Variants in FHIP1A observed in about 807,000 individuals in gnomAD.
FHIP1A encodes FHF complex subunit HOOK interacting protein 1A, also known as FHF complex subunit HOOK-interacting protein 1A.
Under a neutral mutation model 88.6 loss-of-function variants are expected in FHIP1A, and 61 were observed. The ratio of observed to expected loss-of-function variants is 0.69; its 90% confidence interval spans 0.56 to 0.85. The LOEUF is 0.85. Ranked by LOEUF, FHIP1A falls within the 40% of genes least tolerant of loss-of-function variation. The probability of loss-of-function intolerance (pLI) is 0.00; values close to 1 mark genes in which losing one functional copy is unlikely to be tolerated. For synonymous variants in FHIP1A, 478 were observed against 496.0 expected, an observed-to-expected ratio of 0.96 and a Z score of 0.48; for missense variants, 1,154 against 1,273.5, an observed-to-expected ratio of 0.91 and a Z score of 1.43.
Position 151,530,935 on chromosome 4 carries a change from A to G in FHIP1A, c.-122-35203A>G, listed in dbSNP as rs373616798. On this transcript the variant is annotated intron_variant, in intron 3 of 13. Coordinates refer to ENST00000435205, the MANE Select transcript of FHIP1A (RefSeq NM_001109977.3). ...TATAATAATAATCAGGATAATTGCCACATTTCTTTCTAGGGCTGTCAATGC... is the reference window on the plus strand; with the variant it reads ...TATAATAATAATCAGGATAATTGCCGCATTTCTTTCTAGGGCTGTCAATGC... Among the ~76,000 whole-genome samples, 871 of 81,764 alleles carry G rather than the reference A, an allele frequency of 0.011. 60 individuals carry two copies. The South Asian group carries it at 0.22, about 21-fold the overall frequency. 53.6% of individuals were successfully genotyped at this position (81,764 alleles called of 152,430 possible). A position where few individuals can be genotyped will look rare whatever the true frequency, so the allele number is the denominator to read the frequency against.
At chr4:151,560,524 A>G (rs1037764603) in intron 3 of FHIP1A, among the ~76,000 whole-genome samples, 1 of 152,142 alleles carries the variant, frequency 6.6e-6, no homozygotes, top group Admixed American at 6.5e-5. Context: ...TTCAAGTTCT[A>G]CCCTATAGAA....
Position 151,566,132 on chromosome 4 carries a change from T to G in FHIP1A, c.-122-6T>G. 1 of 546,614 alleles carries G rather than the reference T, an allele frequency of 1.8e-6. No individual in the cohort carries two copies. 33.9% of individuals were successfully genotyped at this position (546,614 alleles called of 1,614,324 possible). A position where few individuals can be genotyped will look rare whatever the true frequency, so the allele number is the denominator to read the frequency against. On this transcript the variant is annotated splice_polypyrimidine_tract_variant and splice_region_variant and intron_variant, in intron 3 of 13. Transcript: ENST00000435205. ...AAAATTCATTTTTTTATTATTGCCATTACAGGTTTTGGAAGGTGACAATGA... is the reference window on the plus strand; with the variant it reads ...AAAATTCATTTTTTTATTATTGCCAGTACAGGTTTTGGAAGGTGACAATGA...
At chr4:151,625,251 A>G (rs565806927) in intron 7 of FHIP1A, among the ~76,000 whole-genome samples, 79 of 152,290 alleles carry the variant, frequency 5.2e-4, no homozygotes, top group African/African-American at 1.6e-3. Context: ...ACCCAGGTGA[A>G]CCAGCAGTTA....
intron 3 of FHIP1A, among the ~76,000 whole-genome samples, chr4:151,511,974 G>C (rs1316156581): frequency 6.6e-6 from 1 of 152,250 alleles, no homozygotes; most frequent in Admixed American, 6.5e-5. Flanking sequence ...AGAATGGGCA[G>C]ACTGCCTCCT....
intron 1 of FHIP1A, among the ~76,000 whole-genome samples, chr4:151,426,320 A>G (rs371350887): frequency 6.6e-6 from 1 of 152,180 alleles, no homozygotes. Context: ...AGAAAATACC[A>G]TATTAACATT....
chr4:151,563,457 G>C (rs142074317), intron 3 of FHIP1A, among the ~76,000 whole-genome samples: 1 of 152,294 alleles, frequency 6.6e-6, no homozygotes, highest in African/African-American at 2.4e-5. Flanking sequence ...GACTGGATGT[G>C]TGCCAAAAGT....
chr4:151,521,408 TAC>T (rs1180920959), intron 3 of FHIP1A, among the ~76,000 whole-genome samples: 1 of 152,218 alleles, frequency 6.6e-6, no homozygotes, highest in Non-Finnish European at 1.5e-5. Flanking sequence ...TTCTTGCATT[TAC>T]CATAACAACA....
At position 151,428,284 on chromosome 4, in the gene FHIP1A, C is replaced by T. The variant is rs140345740; in HGVS notation, c.-356+18819C>T. ...CTTTAGAAATACCATAAATATGATG[C>T]GGAAGGCTGATTGAAAAAGAACCCT... On this transcript the variant is annotated intron_variant, in intron 1 of 13. Transcript: ENST00000435205. Among the ~76,000 whole-genome samples the T allele has an allele frequency of 6.9e-4, 105 of 151,938 alleles. 1 individual carries two copies. Among genetic ancestry groups the T allele is most frequent in the African/African-American group, 2.4e-3 (100 of 41,346 alleles).
intron 9 of FHIP1A, among the ~76,000 whole-genome samples, chr4:151,643,743 C>G (rs1426256362): frequency 6.6e-6 from 1 of 152,204 alleles, no homozygotes; most frequent in Admixed American, 6.5e-5. Context: ...CTGAGAACCA[C>G]CATTCAGAAT....
chr4:151,649,414 T>TC, intron 10 of FHIP1A, 45 bp from the exon 11 acceptor site: 1 of 1,425,206 alleles, frequency 7.0e-7, no homozygotes, highest in Non-Finnish European at 9.5e-7. Context: ...ACTACCTTTG[T>TC]CCCCACACCT....
At chr4:151,624,160 T>C (rs1488261821) in intron 7 of FHIP1A, among the ~76,000 whole-genome samples, 1 of 152,198 alleles carries the variant, frequency 6.6e-6, no homozygotes, top group Non-Finnish European at 1.5e-5. Context: ...CAAGGTAATC[T>C]GAACACTGAG....
chr4:151,651,681 C>A (rs761359879), intron 11 of FHIP1A, among the ~76,000 whole-genome samples: 1 of 152,052 alleles, frequency 6.6e-6, no homozygotes, highest in African/African-American at 2.4e-5. Context: ...TTGGAGTAAC[C>A]CAAAATAGAT....
chr4:151,498,673 C>T (rs904534171), intron 3 of FHIP1A, among the ~76,000 whole-genome samples: 10 of 151,984 alleles, frequency 6.6e-5, no homozygotes, highest in Middle Eastern at 3.2e-3. Flanking sequence ...AAATTAGCCG[C>T]GCATGGTGGT....
At chr4:151,489,479 C>T (rs1596291) in intron 3 of FHIP1A, among the ~76,000 whole-genome samples, 53,381 of 151,866 alleles carry the variant, frequency 0.35, 9,984 homozygotes, top group Non-Finnish European at 0.43. Context: ...ACAGGAAGCG[C>T]GGATAGGAGT....
chr4:151,457,037 A>G (rs1728991560), intron 2 of FHIP1A, among the ~76,000 whole-genome samples: 1 of 152,180 alleles, frequency 6.6e-6, no homozygotes, highest in Non-Finnish European at 1.5e-5. Context: ...GGAATGACAG[A>G]AGGAGATTTT....
Position 151,663,040 on chromosome 4 carries a change from C to A in FHIP1A, c.*286C>A. On this transcript the variant is annotated 3_prime_UTR_variant, in exon 14 of 14. Transcript: ENST00000435205. ...TTTTTTGGTTGTCATTCTCCTATCC[C>A]TTTGAGTTACTCTTCTTGCAGCTCA... is the stretch of plus-strand genomic sequence containing the variant. The A allele has an allele frequency of 3.6e-6, 1 of 276,356 alleles. No homozygotes were observed. The highest frequency in any genetic ancestry group is 6.7e-6 in the Non-Finnish European group (1 of 149,366). The allele number at this position is 276,356 out of a possible 1,614,324, so 17.1% of individuals were successfully genotyped here.
At chr4:151,494,752 G>A (rs535900004) in intron 3 of FHIP1A, among the ~76,000 whole-genome samples, 3 of 152,204 alleles carry the variant, frequency 2.0e-5, no homozygotes, top group African/African-American at 7.2e-5. Flanking sequence ...TCTGTAAATT[G>A]CTTTGGACAG....
chr4:151,593,620 G>T (rs878953146), intron 7 of FHIP1A, among the ~76,000 whole-genome samples: 1 of 152,192 alleles, frequency 6.6e-6, no homozygotes, highest in Non-Finnish European at 1.5e-5. Flanking sequence ...TTTGTATTCT[G>T]AGACTGCTGA....
chr4:151,413,605 C>A (rs1474781341), intron 1 of FHIP1A, among the ~76,000 whole-genome samples: 1 of 152,056 alleles, frequency 6.6e-6, no homozygotes, highest in Middle Eastern at 3.2e-3. Context: ...TAGGCATGCA[C>A]CAACATGCTT....
Sources: gnomAD v4.1 joint callset for allele counts (sites outside exome capture counted in the v4.1 genomes callset) on GRCh38, gnomAD v4.1.1 for gene constraint, MANE v1.5 for transcripts, NCBI Gene and HGNC (gene_info 2026-07-23, HGNC 2026-07-21) for gene names.